The following MYO5B variants were observed in gnomAD, a reference collection of about 807,000 sequenced individuals.
MYO5B encodes myosin VB.
MYO5B carries 143 observed loss-of-function variants against 229.3 expected under a neutral mutation model. The observed-to-expected ratio is 0.62, with a 90% confidence interval of 0.54 to 0.72. The LOEUF (loss-of-function observed/expected upper bound fraction) is 0.72. MYO5B is among the 30% of genes least tolerant of loss of function. MYO5B has a pLI of 0.00. For synonymous variants in MYO5B, 918 were observed against 885.2 expected, an observed-to-expected ratio of 1.04 and a Z score of -0.66; for missense variants, 2,321 against 2,331.0, an observed-to-expected ratio of 1.00 and a Z score of 0.09.
intron 4 of MYO5B, among the ~76,000 whole-genome samples, chr18:50,009,082 T>C (rs946359281): frequency 4.6e-5 from 7 of 152,202 alleles, no homozygotes; most frequent in African/African-American, 9.6e-5. Flanking sequence ...CTTAAAATGA[T>C]AATAGTATAT....
intron 17 of MYO5B, among the ~76,000 whole-genome samples, chr18:49,920,511 G>A (rs535246876): frequency 6.6e-6 from 1 of 152,150 alleles, no homozygotes; most frequent in East Asian, 1.9e-4. Context: ...GCCTCCTAGG[G>A]GAACACAGAC....
intron 14 of MYO5B, among the ~76,000 whole-genome samples, chr18:49,942,380 CAAAAAAA>C (rs753691754): frequency 3.1e-5 from 1 of 32,746 alleles, no homozygotes; most frequent in South Asian, 9.6e-4. Context: ...TTCTGCACAG[CAAAAAAA>C]AAAAAAAAAA....
intron 17 of MYO5B, among the ~76,000 whole-genome samples, chr18:49,921,256 GTT>G (rs11306054): frequency 0.014 from 1,651 of 121,802 alleles, 26 homozygotes; most frequent in African/African-American, 0.036. Flanking sequence ...TTCAAGCAGA[GTT>G]TTTTTTTTTT....
chr18:50,083,049 T>C (rs1319339781), intron 1 of MYO5B, among the ~76,000 whole-genome samples: 2 of 152,224 alleles, frequency 1.3e-5, no homozygotes, highest in Non-Finnish European at 2.9e-5. Context: ...ATGACCCTTT[T>C]CTTCAGGCTC....
At chr18:49,847,091 G>A in intron 33 of MYO5B, 55 bp downstream of exon 33, 1 of 1,609,772 alleles carries the variant, frequency 6.2e-7, no homozygotes, top group South Asian at 1.1e-5. Context: ...GATGGAGATG[G>A]GAGCGGGGGC....
chr18:50,073,340 G>A (rs1050234778), intron 1 of MYO5B, among the ~76,000 whole-genome samples: 3 of 152,126 alleles, frequency 2.0e-5, no homozygotes, highest in African/African-American at 7.2e-5. Context: ...AAAAGCCAAG[G>A]AAGCTAAGCA....
rs112030903 is a variant in MYO5B, at chr18:49,881,463, C to A, written c.3046-1008G>T. 6.1e-3 allele frequency among the ~76,000 whole-genome samples: 929 copies of A among 152,140 alleles called. 10 individuals carry two copies. The highest frequency in any genetic ancestry group is 0.017 in the African/African-American group (701 of 41,496). On this transcript the variant is annotated intron_variant, in intron 22 of 39. Transcript: ENST00000285039. ...AAAAAAAGGTATAAAAGAAAAAATA[C>A]TAATTAAACAAAAATTGTAGTCTAC...
intron 1 of MYO5B, among the ~76,000 whole-genome samples, chr18:50,142,776 C>G (rs1396858113): frequency 6.6e-6 from 1 of 152,148 alleles, no homozygotes; most frequent in Non-Finnish European, 1.5e-5. Flanking sequence ...TAAAGGGTAA[C>G]CTCAGTCTAA....
At chr18:50,117,574 G>A (rs1568113454) in intron 1 of MYO5B, among the ~76,000 whole-genome samples, 2 of 151,940 alleles carry the variant, frequency 1.3e-5, no homozygotes, top group African/African-American at 2.4e-5. Flanking sequence ...TTACAAAATG[G>A]GAGAATTAGA....
At chr18:50,076,117 G>C (rs1599001670) in intron 1 of MYO5B, among the ~76,000 whole-genome samples, 1 of 152,152 alleles carries the variant, frequency 6.6e-6, no homozygotes, top group African/African-American at 2.4e-5. Context: ...AAGAAAGAAG[G>C]GTTGGCAAGA....
chr18:49,826,644 A>G (rs960730182), intron 39 of MYO5B, 21 bp from the exon 40 acceptor site: 2 of 1,612,190 alleles, frequency 1.2e-6, no homozygotes, highest in Non-Finnish European at 1.7e-6. Context: ...GAATAAGACC[A>G]TGTAAAGTTT....
intron 18 of MYO5B, among the ~76,000 whole-genome samples, chr18:49,908,544 G>A (rs1446199047): frequency 6.6e-6 from 1 of 152,164 alleles, no homozygotes; most frequent in East Asian, 1.9e-4. Context: ...CAGGCCCCAA[G>A]TCTCCAACTG....
chr18:50,020,690 G>C (rs1262441696), intron 4 of MYO5B, among the ~76,000 whole-genome samples: 1 of 152,228 alleles, frequency 6.6e-6, no homozygotes, highest in African/African-American at 2.4e-5. Flanking sequence ...CCAGGTGGAG[G>C]AGACGGCCCT....
chr18:49,943,937 T>C (rs374634026), intron 14 of MYO5B, among the ~76,000 whole-genome samples: 8 of 152,014 alleles, frequency 5.3e-5, no homozygotes, highest in East Asian at 1.9e-4. Flanking sequence ...GAGGACAGCA[T>C]GTTATGGGGT....
chr18:49,958,377 T>C (rs1484803444), intron 12 of MYO5B, among the ~76,000 whole-genome samples: 1 of 152,176 alleles, frequency 6.6e-6, no homozygotes, highest in African/African-American at 2.4e-5. Flanking sequence ...GGGCAGCCAT[T>C]CCCACCTTCC....
chr18:49,957,311 C>G (rs1448170079), intron 12 of MYO5B, among the ~76,000 whole-genome samples: 1 of 152,092 alleles, frequency 6.6e-6, no homozygotes, highest in Non-Finnish European at 1.5e-5. Context: ...CCAAAGCCTG[C>G]CCCCAGCAAA....
At chr18:50,152,735 C>T in intron 1 of MYO5B, among the ~76,000 whole-genome samples, 1 of 151,952 alleles carries the variant, frequency 6.6e-6, no homozygotes, top group East Asian at 1.9e-4. Context: ...TTTTAAAACC[C>T]AGGAAAGCTA....
intron 12 of MYO5B, among the ~76,000 whole-genome samples, chr18:49,955,510 C>A (rs369841406): frequency 1.7e-3 from 264 of 152,210 alleles, no homozygotes; most frequent in Non-Finnish European, 3.0e-3. Context: ...TGATGGTGAC[C>A]CTTGCACTAG....
chr18:50,175,349 A>C (rs146423856), intron 1 of MYO5B, among the ~76,000 whole-genome samples: 179 of 152,250 alleles, frequency 1.2e-3, no homozygotes, highest in African/African-American at 4.2e-3. Flanking sequence ...CTTTATCCTA[A>C]AAGACAACAG....
Sources: allele counts gnomAD v4.1 joint callset (sites outside exome capture counted in the v4.1 genomes callset), GRCh38; gene constraint gnomAD v4.1.1; transcripts MANE v1.5; gene names NCBI Gene and HGNC (gene_info 2026-07-23, HGNC 2026-07-21).